SEC31A: variants seen among roughly 807,000 people sequenced by gnomAD.
SEC31A encodes protein transport protein Sec31A.
Under a neutral mutation model 151.0 loss-of-function variants are expected in SEC31A, and 70 were observed. The ratio of observed to expected loss-of-function variants is 0.46; its 90% confidence interval spans 0.38 to 0.57. The LOEUF is 0.57. Ranked by LOEUF, SEC31A falls within the 20% of genes least tolerant of loss-of-function variation. The probability of loss-of-function intolerance (pLI) is 0.00; values close to 1 mark genes in which losing one functional copy is unlikely to be tolerated. For synonymous variants in SEC31A, 475 were observed against 505.9 expected, an observed-to-expected ratio of 0.94 and a Z score of 0.82; for missense variants, 1,330 against 1,471.2, an observed-to-expected ratio of 0.90 and a Z score of 1.57.
At chr4:82,874,270 C>T (rs769902306) in intron 6 of SEC31A, among the ~76,000 whole-genome samples, 29 of 151,272 alleles carry the variant, frequency 1.9e-4, no homozygotes, top group Non-Finnish European at 2.7e-4. Flanking sequence ...TGTACTCCAG[C>T]CTGGGCGACA....
At chr4:82,896,120 A>G (rs112958901), upstream of SEC31A, among the ~76,000 whole-genome samples, 46 of 152,388 alleles carry the variant, frequency 3.0e-4, 2 homozygotes, top group African/African-American at 1.1e-3. Context: ...ATCTGACACA[A>G]GGGTAGGTGT....
chr4:82,890,886 C>T lies in SEC31A; in HGVS notation c.-5+202G>A, dbSNP rs1413553389. On this transcript the variant is annotated intron_variant, in intron 1 of 26. Transcript: ENST00000395310. ...CAGTGGAGACGTCGGCGAATGCGGA[C>T]GGGCGCGATCACTGGAGTCCAGATG... 8 of 1,387,962 alleles carry T rather than the reference C, an allele frequency of 5.8e-6. 1 individual carries two copies. The South Asian group carries it at 9.6e-5, about 17-fold the overall frequency. 86.0% of individuals were successfully genotyped at this position (1,387,962 alleles called of 1,614,324 possible).
At chr4:82,829,475 G>C (rs1339870234) in intron 22 of SEC31A, 1 of 152,630 alleles carries the variant, frequency 6.6e-6, no homozygotes, top group Non-Finnish European at 1.4e-5. Context: ...AAAAAAAAGA[G>C]AATAAAATTA....
At chr4:82,848,446 C>A (rs1341998463) in intron 20 of SEC31A, among the ~76,000 whole-genome samples, 4 of 151,824 alleles carry the variant, frequency 2.6e-5, no homozygotes, top group Non-Finnish European at 5.9e-5. Context: ...TATAAAACAA[C>A]CAAATCACCA....
chr4:82,847,253 T>G (rs943832652), intron 20 of SEC31A, among the ~76,000 whole-genome samples: 1 of 152,114 alleles, frequency 6.6e-6, no homozygotes, highest in Non-Finnish European at 1.5e-5. Context: ...GAAGTGCAAG[T>G]CCTCCTGATC....
intron 10 of SEC31A, among the ~76,000 whole-genome samples, chr4:82,864,843 T>C (rs979604967): frequency 3.3e-5 from 5 of 151,970 alleles, no homozygotes; most frequent in African/African-American, 9.7e-5. Context: ...AGGTGGGATC[T>C]TGGCTCACTA....
intron 6 of SEC31A, among the ~76,000 whole-genome samples, chr4:82,874,277 G>C (rs956347631): frequency 6.7e-6 from 1 of 149,368 alleles, no homozygotes; most frequent in African/African-American, 2.5e-5. Flanking sequence ...CAGCCTGGGC[G>C]ACAAAGCGAG....
chr4:82,878,636 C>T (rs1738558427), intron 4 of SEC31A, 94 bp downstream of exon 4: 1 of 1,053,114 alleles, frequency 9.5e-7, no homozygotes. Flanking sequence ...AGTTTTTTAA[C>T]TTTCAATTCC....
intron 1 of SEC31A, among the ~76,000 whole-genome samples, chr4:82,883,752 C>T (rs1294778946): frequency 2.0e-5 from 3 of 151,552 alleles, no homozygotes; most frequent in Non-Finnish European, 4.4e-5. Flanking sequence ...TTGTTTGAGC[C>T]CGGGAAGTTG....
chr4:82,868,170 T>C (rs66944831), intron 8 of SEC31A, among the ~76,000 whole-genome samples: 42,065 of 151,988 alleles, frequency 0.28, 6,871 homozygotes, highest in East Asian at 0.49. Context: ...CAGCTTCCTT[T>C]AGAAAGAAAA....
chr4:82,880,773 C>T (rs1399169900), intron 3 of SEC31A, 26 bp downstream of exon 3: 14 of 1,576,362 alleles, frequency 8.9e-6, no homozygotes, highest in Middle Eastern at 1.7e-4. Context: ...TAAATAATCA[C>T]ATGAATTTAA....
Position 82,871,308 on chromosome 4 carries a change from GCATACA to G in SEC31A, c.782+630_782+635del. The G allele has an allele frequency of 2.3e-6, 3 of 1,324,186 alleles. No homozygotes were observed. The South Asian group carries it at 4.5e-5, about 20-fold the overall frequency. The allele number at this position is 1,324,186 out of a possible 1,614,324, so 82.0% of individuals were successfully genotyped here. On this transcript the variant is annotated intron_variant, in intron 7 of 26. Coordinates refer to ENST00000395310, the MANE Select transcript of SEC31A (RefSeq NM_001077207.4). ...TAAAAATTATATTGGGATTATACAT[GCATACA>G]CACACACACACACACACACACACAA... is the stretch of plus-strand genomic sequence containing the variant.
At chr4:82,841,529 T>C (rs1728850463) in intron 22 of SEC31A, among the ~76,000 whole-genome samples, 1 of 141,236 alleles carries the variant, frequency 7.1e-6, no homozygotes, top group Non-Finnish European at 1.5e-5. Context: ...TAGTCCCAGC[T>C]ACTCAGGAGG....
chr4:82,886,715 G>C (rs1162155578), intron 1 of SEC31A, among the ~76,000 whole-genome samples: 1 of 152,100 alleles, frequency 6.6e-6, no homozygotes, highest in East Asian at 1.9e-4. Context: ...AATCCACATT[G>C]ATCTAAATAC....
In SEC31A at chr4:82,889,535, G is replaced by A. The variant is rs1319065120; in HGVS notation, c.-5+1553C>T. 5.2e-5 allele frequency among the ~76,000 whole-genome samples: 7 copies of A among 134,504 alleles called. No individual in the cohort carries two copies. In the East Asian group the frequency reaches 1.1e-3, roughly 21 times the overall value. 88.2% of individuals were successfully genotyped at this position (134,504 alleles called of 152,430 possible). A position where few individuals can be genotyped will look rare whatever the true frequency, so the allele number is the denominator to read the frequency against. Reference sequence around the variant, plus strand: ...GCACTCCAATCTGGGCAACAAAGAGGGACCCTGTCTCAAAAAAAAAAAAAA... The same window carrying A: ...GCACTCCAATCTGGGCAACAAAGAGAGACCCTGTCTCAAAAAAAAAAAAAA... On this transcript the variant is annotated intron_variant, in intron 1 of 26. Transcript: ENST00000395310.
chr4:82,856,042 A>G (rs1732559610), intron 16 of SEC31A, among the ~76,000 whole-genome samples: 1 of 152,238 alleles, frequency 6.6e-6, no homozygotes, highest in Non-Finnish European at 1.5e-5. Flanking sequence ...TTATCACTAT[A>G]TAAACAAGCG....
intron 8 of SEC31A, among the ~76,000 whole-genome samples, chr4:82,869,906 G>T (rs1440146259): frequency 6.6e-6 from 1 of 152,106 alleles, no homozygotes; most frequent in Non-Finnish European, 1.5e-5. Context: ...TCATTCAGAA[G>T]AGAGATTGGA....
intron 20 of SEC31A, among the ~76,000 whole-genome samples, chr4:82,846,737 A>G (rs1730314537): frequency 6.6e-6 from 1 of 151,602 alleles, no homozygotes; most frequent in Non-Finnish European, 1.5e-5. Flanking sequence ...TTTGAGACAG[A>G]GTTTTTTGCT....
At chr4:82,827,838 T>C (rs569868802) in intron 23 of SEC31A, among the ~76,000 whole-genome samples, 134 of 151,800 alleles carry the variant, frequency 8.8e-4, no homozygotes, top group Non-Finnish European at 9.0e-4. Flanking sequence ...CTAAGAGGGA[T>C]AGGGAGCTCA....
Sources: gnomAD v4.1 joint callset for allele counts (sites outside exome capture counted in the v4.1 genomes callset) on GRCh38, gnomAD v4.1.1 for gene constraint, MANE v1.5 for transcripts, NCBI Gene and HGNC (gene_info 2026-07-23, HGNC 2026-07-21) for gene names.